TGM4: variants seen among roughly 807,000 people sequenced by gnomAD.
TGM4 encodes the protein protein-glutamine gamma-glutamyltransferase 4.
Under a neutral mutation model 76.3 loss-of-function variants are expected in TGM4, and 61 were observed. The ratio of observed to expected loss-of-function variants is 0.80; its 90% confidence interval spans 0.65 to 0.99. The LOEUF (loss-of-function observed/expected upper bound fraction) is 0.99, where lower values mean the gene tolerates loss of function less well. TGM4 is among the 50% of genes least tolerant of loss of function. The probability of loss-of-function intolerance (pLI) is 0.00; values close to 1 mark genes in which losing one functional copy is unlikely to be tolerated. For synonymous variants in TGM4, 337 were observed against 329.8 expected, an observed-to-expected ratio of 1.02 and a Z score of -0.24; for missense variants, 794 against 843.2, an observed-to-expected ratio of 0.94 and a Z score of 0.72.
Position 44,914,676 on chromosome 3 carries a change from TG to T in TGM4, c.*955del, listed in dbSNP as rs1455320697. 1.3e-5 allele frequency: 2 copies of T among 152,206 alleles called. No individual in the cohort carries two copies. The highest frequency in any genetic ancestry group is 2.9e-5 in the Non-Finnish European group (2 of 68,042). The allele number at this position is 152,206 out of a possible 1,614,324, so 9.4% of individuals were successfully genotyped here. ...TGTGCTGGCGGTTTATGCAGTCACT[TG>T]GGGAGCCATGGAATCCTTTGATCTC... On this transcript the variant is annotated 3_prime_UTR_variant, in exon 14 of 14. Transcript: ENST00000296125.
rs1575715309 is a variant in TGM4 at position 44,888,849 on chromosome 3, C to A, written c.300+1054C>A. 2.0e-5 allele frequency: 3 copies of A among 152,022 alleles called. 1 individual carries two copies. The highest frequency in any genetic ancestry group is 3.9e-4 in the East Asian group (2 of 5,184). The allele number at this position is 152,022 out of a possible 1,614,324, so 9.4% of individuals were successfully genotyped here. A position where few individuals can be genotyped will look rare whatever the true frequency, so the allele number is the denominator to read the frequency against. Reference sequence around the variant, plus strand: ...ACAGTGAGGGCACAACCTCCTCCCTCTTGCCACAAGAGGGGTATGGGGAGT... The same window carrying A: ...ACAGTGAGGGCACAACCTCCTCCCTATTGCCACAAGAGGGGTATGGGGAGT... On this transcript the variant is annotated intron_variant, in intron 3 of 13. Transcript: ENST00000296125.
In TGM4 at chr3:44,888,045, T is replaced by C. The variant is rs547548042; in HGVS notation, c.300+250T>C. 63 of 501,258 alleles carry C rather than the reference T, an allele frequency of 1.3e-4. No individual in the cohort carries two copies. The South Asian group carries it at 1.6e-3, about 13-fold the overall frequency. 31.1% of individuals were successfully genotyped at this position (501,258 alleles called of 1,614,324 possible). On this transcript the variant is annotated intron_variant, in intron 3 of 13. Transcript: ENST00000296125. ...CCCCTTTCCATTTCAAAGGGAACAATGTTCACTGGAGGACATGAGCGGAGA... is the reference window on the plus strand; with the variant it reads ...CCCCTTTCCATTTCAAAGGGAACAACGTTCACTGGAGGACATGAGCGGAGA...
rs1699668101 is a variant in TGM4 at position 44,890,059 on chromosome 3, G to A, written c.301-544G>A. The stretch of plus-strand genomic sequence containing the variant: ...TGAGAGAGAGCGAGAAAGAGCAGGG[G>A]AAACTGCCTTATAAAACCATCAGAG... On this transcript the variant is annotated intron_variant, in intron 3 of 13. Coordinates refer to ENST00000296125, the MANE Select transcript of TGM4 (RefSeq NM_003241.4). 2.0e-5 allele frequency among the ~76,000 whole-genome samples: 3 copies of A among 152,298 alleles called. No individual in the cohort carries two copies. In the South Asian group the frequency reaches 6.2e-4, roughly 32 times the overall value.
chr3:44,900,962 G>A (rs1699844427), intron 6 of TGM4: 1 of 155,000 alleles, frequency 6.5e-6, no homozygotes, highest in Non-Finnish European at 1.4e-5. Context: ...AAAGGGACCG[G>A]GCATAGTGAT....
intron 10 of TGM4, among the ~76,000 whole-genome samples, chr3:44,909,156 G>A (rs1699966710): frequency 6.6e-6 from 1 of 152,216 alleles, no homozygotes. Flanking sequence ...CCTTTGGCAA[G>A]GGGCTCTGTG....
At chr3:44,887,902 T>A in intron 3 of TGM4, 107 bp downstream of exon 3, 1 of 972,758 alleles carries the variant, frequency 1.0e-6, no homozygotes, top group Non-Finnish European at 1.6e-6. Context: ...TAACATGGTT[T>A]AAAGCCATCC....
rs759333758 is a variant in TGM4 at position 44,910,274 on chromosome 3, C to G, written c.1512C>G (p.Val504=). The part of the protein sequence containing the change: ...LKRKTAALQN[V]NILGSFELQL... The stretch of plus-strand genomic sequence containing the variant: ...GGAAGACCGCTGCCCTACAGAATGT[C>G]AACATCTTGGGCTCCTTTGAACTAC... The change falls in exon 11 of 14, where the codon GTC becomes GTG. Residue 504 remains valine (V), a synonymous_variant. Coordinates refer to ENST00000296125, the MANE Select transcript of TGM4 (RefSeq NM_003241.4). The G allele has an allele frequency of 3.1e-6, 5 of 1,614,210 alleles. No individual in the cohort carries two copies. The Admixed American group carries it at 6.7e-5, about 22-fold the overall frequency.
chr3:44,882,526 G>A lies in TGM4; in HGVS notation c.20-2799G>A, dbSNP rs188329488. Reference sequence around the variant, plus strand: ...CCTGCTCTTGCAGAAGCCTCCAGTGGAGAATCTTCCCTTGTCTTTCTTGGT... The same window carrying A: ...CCTGCTCTTGCAGAAGCCTCCAGTGAAGAATCTTCCCTTGTCTTTCTTGGT... On this transcript the variant is annotated intron_variant, in intron 1 of 13. Transcript: ENST00000296125. 4.2e-3 allele frequency among the ~76,000 whole-genome samples: 645 copies of A among 152,326 alleles called. 8 individuals carry two copies. Among genetic ancestry groups the A allele is most frequent in the Non-Finnish European group, 7.5e-3 (508 of 68,024 alleles).
At chr3:44,903,723 G>A (rs1699884458) in intron 8 of TGM4, 161 bp from the exon 9 acceptor site, 4 of 672,680 alleles carry the variant, frequency 5.9e-6, no homozygotes, top group South Asian at 3.4e-5. Context: ...GGGACTCACC[G>A]GTGGCCCCTT....
intron 12 of TGM4, 23 bp from the exon 13 acceptor site, chr3:44,911,247 C>CT (rs1700001570): frequency 6.2e-7 from 1 of 1,613,782 alleles, no homozygotes; most frequent in African/African-American, 1.3e-5. Context: ...CTCTCCCCAT[C>CT]TCTCCTCCCC....
At chr3:44,889,188 A>AAAG (rs2125750947) in intron 3 of TGM4, 1 of 153,572 alleles carries the variant, frequency 6.5e-6, no homozygotes, top group East Asian at 1.8e-4. Context: ...AAAAAAAAAA[A>AAAG]AAAAAAAAAA....
At chr3:44,910,619 G>A (rs1263764214) in intron 11 of TGM4, among the ~76,000 whole-genome samples, 2 of 152,182 alleles carry the variant, frequency 1.3e-5, no homozygotes, top group Non-Finnish European at 2.9e-5. Flanking sequence ...TGCTGAAAGT[G>A]TCATGAGAAG....
chr3:44,887,461 G>C (rs770023537), intron 2 of TGM4, among the ~76,000 whole-genome samples: 9 of 152,216 alleles, frequency 5.9e-5, no homozygotes, highest in Non-Finnish European at 1.2e-4. Flanking sequence ...AAGGGAGGAC[G>C]TGGAGAGGAG....
intron 8 of TGM4, 94 bp downstream of exon 8, chr3:44,902,025 G>A: frequency 2.0e-6 from 3 of 1,492,252 alleles, no homozygotes; most frequent in South Asian, 2.6e-5. Context: ...GTTTGCCCAG[G>A]CTGGTCTTGA....
rs1700004130 is a variant in TGM4 at position 44,911,411 on chromosome 3, G to A, written c.1913+5G>A. The A allele has an allele frequency of 6.2e-7, 1 of 1,613,928 alleles. No individual in the cohort carries two copies. The highest frequency in any genetic ancestry group is 8.5e-7 in the Non-Finnish European group (1 of 1,179,988). Reference sequence around the variant, plus strand: ...ACTACAGACCTCTGACCATGGGTGAGTCTGCCTGAGGTATTCTTAGAAATA... The same window carrying A: ...ACTACAGACCTCTGACCATGGGTGAATCTGCCTGAGGTATTCTTAGAAATA... On this transcript the variant is annotated splice_donor_5th_base_variant and intron_variant, in intron 13 of 13. Transcript: ENST00000296125.
In TGM4 at chr3:44,907,279, C is replaced by T. The variant is rs1699936786; in HGVS notation, c.1327+79C>T. The T allele has an allele frequency of 5.4e-6, 8 of 1,471,662 alleles. No homozygotes were observed. In the Admixed American group the frequency reaches 1.5e-4, roughly 27 times the overall value. 91.2% of individuals were successfully genotyped at this position (1,471,662 alleles called of 1,614,324 possible). A position where few individuals can be genotyped will look rare whatever the true frequency, so the allele number is the denominator to read the frequency against. ...GAAAATAGTCAAGATTGGGGGTGGG[C>T]CTGGGCAACATGGTGAAACCCCATC... On this transcript the variant is annotated intron_variant, in intron 10 of 13. Transcript: ENST00000296125.
rs1273197097 is a variant in TGM4, at chr3:44,901,796, TGA to T, written c.840_841del (p.Arg280SerfsTer30). On this transcript the variant is annotated frameshift_variant, in exon 8 of 14. Coordinates refer to ENST00000296125, the MANE Select transcript of TGM4 (RefSeq NM_003241.4). LOFTEE classifies it high-confidence loss of function. ...ACCCCACCCTGGATCATTTCAGTGCTGAGAGCGTTGGGCATCCCAGCACGCAG... is the reference window on the plus strand; with the variant it reads ...ACCCCACCCTGGATCATTTCAGTGCTGAGCGTTGGGCATCCCAGCACGCAG... 2 of 1,613,970 alleles carry T rather than the reference TGA, an allele frequency of 1.2e-6. No individual in the cohort carries two copies.
intron 1 of TGM4, among the ~76,000 whole-genome samples, chr3:44,879,259 C>CTATATA (rs1365143873): frequency 2.1e-3 from 216 of 101,598 alleles, no homozygotes; most frequent in Middle Eastern, 5.0e-3. Context: ...CTCTCTCTCT[C>CTATATA]TCTCTCTATA....
chr3:44,882,559 G>A (rs889283414), intron 1 of TGM4, among the ~76,000 whole-genome samples: 1 of 152,210 alleles, frequency 6.6e-6, no homozygotes, highest in Admixed American at 6.5e-5. Context: ...GGTTTCTGGT[G>A]GCTCCAGGTG....
Sources: gnomAD v4.1 joint callset for allele counts (sites outside exome capture counted in the v4.1 genomes callset) on GRCh38, gnomAD v4.1.1 for gene constraint, MANE v1.5 for transcripts, NCBI Gene and HGNC (gene_info 2026-07-23, HGNC 2026-07-21) for gene names.